The following LY75 variants were observed in gnomAD, a reference collection of about 807,000 sequenced individuals.
LY75 encodes C-type lectin domain family 13 member B.
A neutral mutation model predicts 231.7 loss-of-function variants in LY75; 185 were observed. The ratio of observed to expected loss-of-function variants is 0.80; its 90% CI spans 0.71 to 0.90. The LOEUF is 0.90. Among genes scored for constraint, LY75 ranks in the 40% least tolerant of loss-of-function variants. The pLI, the probability that LY75 is intolerant of heterozygous loss-of-function variation, is 0.00. For synonymous variants in LY75, 668 were observed against 689.0 expected (o/e 0.97, Z 0.48); for missense variants, 1,947 against 2,050.2 (o/e 0.95, Z 0.97).
At chr2:159,805,295 G>T (rs1411848506) in intron 34 of LY75, 73 bp from the exon 35 acceptor site, 3 of 1,137,846 alleles carry the variant, frequency 2.6e-6, no homozygotes, top group Non-Finnish European at 3.9e-6. Context: ...TACATTATGG[G>T]TTGTGTCACA....
chr2:159,903,236 A>G (rs1686133218), intron 1 of LY75: 1 of 152,214 alleles, frequency 6.6e-6, no homozygotes, highest in African/African-American at 2.4e-5. Flanking sequence ...CAGAGATTGC[A>G]AGAATTAGGG....
intron 15 of LY75, among the ~76,000 whole-genome samples, chr2:159,860,467 T>C (rs1250880438): frequency 2.0e-5 from 3 of 152,148 alleles, no homozygotes. Context: ...AACCTTACCC[T>C]ATCCCATTTG....
At chr2:159,822,404 G>C (rs1445581917) in intron 28 of LY75, among the ~76,000 whole-genome samples, 4 of 152,232 alleles carry the variant, frequency 2.6e-5, no homozygotes, top group Non-Finnish European at 4.4e-5. Context: ...TACGCTCCCA[G>C]TGTAAACAAA....
At chr2:159,807,852 C>A (rs1682833373) in intron 33 of LY75, 1 of 982,576 alleles carries the variant, frequency 1.0e-6, no homozygotes, top group African/African-American at 1.7e-5. Flanking sequence ...TCTACTATTT[C>A]GTATTAAAAA....
intron 4 of LY75, among the ~76,000 whole-genome samples, chr2:159,887,664 T>C (rs949208083): frequency 2.0e-5 from 3 of 151,480 alleles, no homozygotes; most frequent in African/African-American, 7.3e-5. Flanking sequence ...CCAATAGTCA[T>C]AATTAGGCGT....
chr2:159,832,252 C>G (rs1306943615), intron 27 of LY75, among the ~76,000 whole-genome samples: 3 of 152,214 alleles, frequency 2.0e-5, no homozygotes, highest in African/African-American at 7.2e-5. Context: ...CCGGGCCATA[C>G]AGCAGGAGGT....
rs890952731 is a variant in LY75 at position 159,875,594 on chromosome 2, C to G, written c.1824G>C (p.Lys608Asn). 42 of 1,613,976 alleles carry G rather than the reference C, an allele frequency of 2.6e-5. No homozygotes were observed. Among genetic ancestry groups the G allele is most frequent in the Non-Finnish European group, 3.4e-5 (40 of 1,180,016 alleles). Residue 608 changes from lysine (K) to asparagine (N), a missense_variant, in exon 12 of 35, where the codon AAG (lysine) becomes AAC (asparagine). Lys to Asn is a moderately conservative substitution (Grantham distance 94, BLOSUM62 0). Transcript: ENST00000263636. ...AGCTTCTGCAGTCCTTCACCTCCCA[C>G]TTTCCAACAGACTTTCCAGTAGACA... Reference protein sequence around the residue: ...VAMSTGKSVGKWEVKDCRSFK... With the variant: ...VAMSTGKSVGNWEVKDCRSFK...
intron 23 of LY75, among the ~76,000 whole-genome samples, chr2:159,847,050 C>T (rs145429117): frequency 0.047 from 7,171 of 152,170 alleles, 516 homozygotes; most frequent in African/African-American, 0.16. Context: ...CTCGCTCTGT[C>T]GCCCAGGCTG....
chr2:159,901,842 CTT>C (rs1560108815), intron 1 of LY75, among the ~76,000 whole-genome samples: 1 of 152,314 alleles, frequency 6.6e-6, no homozygotes, highest in South Asian at 2.1e-4. Flanking sequence ...TTAAAGGAAA[CTT>C]ATTAGCCTCC....
At chr2:159,902,357 G>A (rs2125888545) in intron 1 of LY75, 1 of 152,332 alleles carries the variant, frequency 6.6e-6, no homozygotes, top group Non-Finnish European at 1.5e-5. Context: ...AAATGGCTAA[G>A]TAGCATTACC....
chr2:159,878,319 C>T lies in LY75; in HGVS notation c.1774+5G>A. The T allele has an allele frequency of 6.2e-7, 1 of 1,613,326 alleles. No individual in the cohort carries two copies. The highest frequency in any genetic ancestry group is 1.7e-4 in the Middle Eastern group (1 of 6,044). On this transcript the variant is annotated splice_donor_5th_base_variant and intron_variant, in intron 11 of 34. Transcript: ENST00000263636. ...TACTACTACTTCAAAGATTAAGACA[C>T]TCACCTGGCTCAAGAAAATTCCAGT...
intron 28 of LY75, among the ~76,000 whole-genome samples, chr2:159,827,423 C>T (rs1683507059): frequency 6.6e-6 from 1 of 152,182 alleles, no homozygotes; most frequent in Non-Finnish European, 1.5e-5. Flanking sequence ...CATCTCATGC[C>T]AGTTAGAATG....
chr2:159,849,957 T>C (rs761137879), intron 23 of LY75, 23 bp downstream of exon 23: 3 of 1,607,024 alleles, frequency 1.9e-6, no homozygotes, highest in Non-Finnish European at 1.7e-6. Context: ...GTATGAAGAG[T>C]ATTGGTTTTT....
intron 14 of LY75, 117 bp from the exon 15 acceptor site, chr2:159,861,006 T>G: frequency 1.0e-6 from 1 of 999,776 alleles, no homozygotes; most frequent in Non-Finnish European, 1.5e-6. Flanking sequence ...GAAAGAAAAC[T>G]TTTCCATCTC....
rs748622509 is a variant in LY75, at chr2:159,810,609, C to G, written c.4616G>C (p.Trp1539Ser). ...GTAACAGTGACCCTTGTACTGGATC[C>G]ACCGTGACCCATTCTCTTTTGCTGC... ...CPAAKENGSR[W>S]IQYKGHCYKS... The change falls in exon 32 of 35, where the codon TGG becomes TCG. Residue 1539 changes from tryptophan to serine, a missense_variant. Physicochemically the swap from Trp to Ser is radical, Grantham distance 177. Transcript: ENST00000263636. 3 of 1,614,004 alleles carry G rather than the reference C, an allele frequency of 1.9e-6. No individual in the cohort carries two copies. In the Admixed American group the frequency reaches 5.0e-5, roughly 27 times the overall value.
intron 21 of LY75, among the ~76,000 whole-genome samples, chr2:159,850,789 T>TATATATAAAA (rs1553805700): frequency 1.1e-5 from 1 of 88,650 alleles, no homozygotes; most frequent in Non-Finnish European, 2.6e-5. Flanking sequence ...TATATATATA[T>TATATATAAAA]ATATATATAT....
At position 159,893,892 on chromosome 2, in the gene LY75, AAATT is replaced by A; in HGVS notation, c.637+18_637+21del. On this transcript the variant is annotated intron_variant, in intron 3 of 34. Transcript: ENST00000263636. ...TATAAATGTACTACCTTTCCACATAAAATTTACCAGCCCATACATACCAGGCTTT... is the reference window on the plus strand; with the variant it reads ...TATAAATGTACTACCTTTCCACATAATACCAGCCCATACATACCAGGCTTT... 6.3e-7 allele frequency: 1 copy of A among 1,585,514 alleles called. No homozygotes were observed. The highest frequency in any genetic ancestry group is 1.2e-5 in the South Asian group (1 of 86,406).
intron 28 of LY75, among the ~76,000 whole-genome samples, chr2:159,821,619 C>CAA (rs1184847871): frequency 5.6e-5 from 2 of 35,916 alleles, no homozygotes; most frequent in African/African-American, 1.0e-4. Flanking sequence ...AAGTCTGTCT[C>CAA]AAAAAAAAAA....
At chr2:159,823,618 G>T (rs1683368799) in intron 28 of LY75, among the ~76,000 whole-genome samples, 1 of 152,072 alleles carries the variant, frequency 6.6e-6, no homozygotes, top group Non-Finnish European at 1.5e-5. Context: ...GATACTCCTC[G>T]AGAGGAGCAA....
Sources: allele counts gnomAD v4.1 joint callset (sites outside exome capture counted in the v4.1 genomes callset), GRCh38; gene constraint gnomAD v4.1.1; transcripts MANE v1.5; gene names NCBI Gene and HGNC (gene_info 2026-07-23, HGNC 2026-07-21).